ERC1: variants seen among roughly 807,000 people sequenced by gnomAD.
ERC1 encodes the protein RAB6 interacting protein 2.
A neutral mutation model predicts 132.0 loss-of-function variants in ERC1; 56 were observed. The ratio of observed to expected loss-of-function variants is 0.42; its 90% CI spans 0.34 to 0.53. The LOEUF is 0.53. Among genes scored for constraint, ERC1 ranks in the 20% least tolerant of loss-of-function variants. The pLI is 0.03. For synonymous variants in ERC1, 478 were observed against 476.1 expected (o/e 1.00, Z -0.05); for missense variants, 1,202 against 1,349.9 (o/e 0.89, Z 1.72).
intron 15 of ERC1, among the ~76,000 whole-genome samples, chr12:1,354,902 A>C (rs77811440): frequency 0.027 from 4,076 of 152,212 alleles, 189 homozygotes; most frequent in African/African-American, 0.094. Flanking sequence ...TCAGCCTCCC[A>C]AAATCCTGGG....
intron 12 of ERC1, among the ~76,000 whole-genome samples, chr12:1,197,906 TTTTTG>T (rs201199133): frequency 3.8e-4 from 58 of 151,846 alleles, no homozygotes; most frequent in African/African-American, 1.1e-3. Flanking sequence ...TGGACTATTT[TTTTTG>T]TTTTGTTTTG....
intron 8 of ERC1, among the ~76,000 whole-genome samples, chr12:1,145,000 C>A (rs1950217201): frequency 6.6e-6 from 1 of 151,756 alleles, no homozygotes; most frequent in Non-Finnish European, 1.5e-5. Context: ...ATTTGCATTT[C>A]ACTGATAATT....
At chr12:1,155,312 C>CT (rs1951267800) in intron 8 of ERC1, among the ~76,000 whole-genome samples, 1 of 82,056 alleles carries the variant, frequency 1.2e-5, no homozygotes, top group South Asian at 4.4e-4. Context: ...GAGACTTCAT[C>CT]TCAAAAAAAA....
intron 16 of ERC1, among the ~76,000 whole-genome samples, chr12:1,392,564 G>C (rs552690818): frequency 6.6e-6 from 1 of 152,242 alleles, no homozygotes; most frequent in East Asian, 1.9e-4. Flanking sequence ...TTGATGTCTA[G>C]TATCATTACT....
chr12:1,142,153 A>C (rs1050395555), intron 8 of ERC1, among the ~76,000 whole-genome samples: 1 of 152,172 alleles, frequency 6.6e-6, no homozygotes, highest in African/African-American at 2.4e-5. Context: ...TTATGTGTTT[A>C]ATAAGATGAC....
chr12:1,235,386 G>A (rs1399681477), intron 12 of ERC1, among the ~76,000 whole-genome samples: 4 of 152,124 alleles, frequency 2.6e-5, no homozygotes, highest in South Asian at 2.1e-4. Flanking sequence ...GAATTCTATC[G>A]ATGAAAAGAT....
At chr12:1,174,926 T>G (rs1403137732) in intron 8 of ERC1, among the ~76,000 whole-genome samples, 1 of 152,204 alleles carries the variant, frequency 6.6e-6, no homozygotes, top group Non-Finnish European at 1.5e-5. Flanking sequence ...CTCGGAGATA[T>G]TGCAGATTCA....
intron 2 of ERC1, among the ~76,000 whole-genome samples, chr12:1,077,414 G>A (rs907078623): frequency 5.3e-5 from 8 of 152,138 alleles, no homozygotes; most frequent in Non-Finnish European, 1.5e-5. Context: ...CATTGTTTTT[G>A]CAGATATCTA....
chr12:1,287,587 C>G (rs2079125936), intron 14 of ERC1, among the ~76,000 whole-genome samples: 1 of 152,210 alleles, frequency 6.6e-6, no homozygotes, highest in Non-Finnish European at 1.5e-5. Flanking sequence ...AGAGAATTCC[C>G]TCTGCCTGAC....
At chr12:1,171,961 A>C (rs1953111504) in intron 8 of ERC1, among the ~76,000 whole-genome samples, 1 of 152,154 alleles carries the variant, frequency 6.6e-6, no homozygotes, top group South Asian at 2.1e-4. Flanking sequence ...TGATGAATTC[A>C]CTCTGTAGCT....
intron 12 of ERC1, among the ~76,000 whole-genome samples, chr12:1,199,383 A>T (rs1408513737): frequency 1.3e-5 from 2 of 152,218 alleles, no homozygotes; most frequent in East Asian, 3.8e-4. Context: ...TTAAACTTTA[A>T]TTTTGTGGAC....
intron 17 of ERC1, among the ~76,000 whole-genome samples, chr12:1,431,700 C>T (rs1402468232): frequency 6.6e-6 from 1 of 152,010 alleles, no homozygotes; most frequent in Non-Finnish European, 1.5e-5. Context: ...TAATATTATT[C>T]TTGATACAAG....
At chr12:1,055,607 A>C (rs1361890965) in intron 2 of ERC1, among the ~76,000 whole-genome samples, 1 of 152,210 alleles carries the variant, frequency 6.6e-6, no homozygotes, top group African/African-American at 2.4e-5. Context: ...AGATGCTCAT[A>C]ATATTTTAGG....
chr12:1,384,087 G>T (rs2089033857), intron 16 of ERC1, among the ~76,000 whole-genome samples: 1 of 152,294 alleles, frequency 6.6e-6, no homozygotes, highest in South Asian at 2.1e-4. Context: ...TTTGGTGAGA[G>T]ATTTCAATAG....
intron 16 of ERC1, among the ~76,000 whole-genome samples, chr12:1,382,173 A>G (rs2088758170): frequency 6.6e-6 from 1 of 152,224 alleles, no homozygotes. Flanking sequence ...ATAATCTTGA[A>G]CGTAATAACA....
chr12:1,453,223 C>T (rs73598001), intron 18 of ERC1, among the ~76,000 whole-genome samples: 10,805 of 152,086 alleles, frequency 0.071, 1,267 homozygotes, highest in African/African-American at 0.24. Context: ...TCTAGACTGT[C>T]GGCTGATTTC....
chr12:1,354,925 C>T (rs866732564), intron 15 of ERC1, among the ~76,000 whole-genome samples: 2 of 152,226 alleles, frequency 1.3e-5, no homozygotes, highest in East Asian at 1.9e-4. Context: ...TACAGCAGTC[C>T]GCCCACTGAT....
intron 14 of ERC1, among the ~76,000 whole-genome samples, chr12:1,273,392 G>A (rs2078018354): frequency 1.3e-5 from 2 of 152,132 alleles, no homozygotes; most frequent in African/African-American, 4.8e-5. Context: ...TTCAATATTA[G>A]AAGGACTTGA....
chr12:1,149,278 T>C (rs967000197), intron 8 of ERC1, among the ~76,000 whole-genome samples: 3 of 152,218 alleles, frequency 2.0e-5, no homozygotes, highest in Admixed American at 6.5e-5. Context: ...CAAAACAGCA[T>C]TTATTATTCT....
Sources: gnomAD v4.1 joint callset for allele counts (sites outside exome capture counted in the v4.1 genomes callset) on GRCh38, gnomAD v4.1.1 for gene constraint, MANE v1.5 for transcripts, NCBI Gene and HGNC (gene_info 2026-07-23, HGNC 2026-07-21) for gene names.